Variants in TMEM164 observed in about 807,000 individuals in gnomAD.
TMEM164 encodes transmembrane protein 164.
A neutral mutation model predicts 18.8 loss-of-function variants in TMEM164; 4 were observed. The ratio of observed to expected loss-of-function variants is 0.21; its 90% CI spans 0.10 to 0.49. TMEM164 has a LOEUF of 0.49. Ranked by LOEUF, TMEM164 falls within the 20% of genes least tolerant of loss-of-function variation. The pLI is 0.98. For synonymous variants in TMEM164, 86 were observed against 101.7 expected (o/e 0.85, Z 0.93); for missense variants, 108 against 239.9 (o/e 0.45, Z 3.63).
intron 2 of TMEM164, among the ~76,000 whole-genome samples, chrX:110,049,768 G>T (rs1935470320): frequency 8.9e-6 from 1 of 111,906 alleles, no homozygotes; most frequent in South Asian, 3.8e-4. Flanking sequence ...GCTTTTCCAT[G>T]TGTAAGCTTG....
intron 4 of TMEM164, among the ~76,000 whole-genome samples, chrX:110,109,468 A>T (rs1391887445): frequency 8.9e-6 from 1 of 112,251 alleles, no homozygotes; most frequent in Non-Finnish European, 1.9e-5. Context: ...CAGTGAGTCA[A>T]CATTGTGCCA....
At chrX:110,158,934 A>G (rs1157368222) in intron 5 of TMEM164, among the ~76,000 whole-genome samples, 1 of 112,302 alleles carries the variant, frequency 8.9e-6, no homozygotes, top group Non-Finnish European at 1.9e-5. Flanking sequence ...AAATAATAAC[A>G]GTACTTCCTC....
At chrX:110,132,026 G>C (rs1431704173) in intron 4 of TMEM164, among the ~76,000 whole-genome samples, 1 of 111,573 alleles carries the variant, frequency 9.0e-6, no homozygotes, top group East Asian at 2.8e-4. Flanking sequence ...TCAGGGAGCA[G>C]CCTGAAGTAT....
chrX:110,070,713 C>T (rs1215841899), intron 3 of TMEM164, among the ~76,000 whole-genome samples: 1 of 109,422 alleles, frequency 9.1e-6, no homozygotes, highest in Non-Finnish European at 1.9e-5. Flanking sequence ...GATGAAACCT[C>T]GTCTCTAACC....
At chrX:110,099,907 TTTAAA>T (rs757565284) in intron 3 of TMEM164, among the ~76,000 whole-genome samples, 2 of 112,267 alleles carry the variant, frequency 1.8e-5, no homozygotes, top group Non-Finnish European at 3.8e-5. Flanking sequence ...ATATGGATCC[TTTAAA>T]TATTTTGTTA....
chrX:110,026,099 A>G (rs1283375669), intron 2 of TMEM164, among the ~76,000 whole-genome samples: 1 of 112,637 alleles, frequency 8.9e-6, no homozygotes, highest in Non-Finnish European at 1.9e-5. Context: ...TATTAGTTAC[A>G]GTCTTCCTCC....
At chrX:110,044,106 C>T (rs1420571575) in intron 2 of TMEM164, among the ~76,000 whole-genome samples, 2 of 112,331 alleles carry the variant, frequency 1.8e-5, no homozygotes, top group Admixed American at 9.4e-5. Context: ...TTTCTCCCCC[C>T]AGAGGCTACT....
Position 110,174,168 on chromosome X carries a change from T to C in TMEM164, c.*717T>C, listed in dbSNP as rs2067264825. Reference sequence around the variant, plus strand: ...AAATCCAAAGTGAAGAGGGTCAAGATATATACAGTACTAGGCCAGACCCTG... The same window carrying C: ...AAATCCAAAGTGAAGAGGGTCAAGACATATACAGTACTAGGCCAGACCCTG... On this transcript the variant is annotated 3_prime_UTR_variant, in exon 7 of 7. Coordinates refer to ENST00000372068, the MANE Select transcript of TMEM164 (RefSeq NM_032227.4). The C allele has an allele frequency of 8.9e-6, 1 of 112,149 alleles. No homozygotes were observed. The highest frequency in any genetic ancestry group is 1.9e-5 in the Non-Finnish European group (1 of 53,495). 9.2% of individuals were successfully genotyped at this position (112,149 alleles called of 1,213,427 possible).
chrX:110,017,037 A>G (rs1933420456), intron 2 of TMEM164, among the ~76,000 whole-genome samples: 1 of 112,107 alleles, frequency 8.9e-6, no homozygotes, highest in Non-Finnish European at 1.9e-5. Flanking sequence ...TTCTAGCTGT[A>G]CTTTCTCAGG....
intron 2 of TMEM164, among the ~76,000 whole-genome samples, chrX:110,027,170 A>T (rs1044887827): frequency 6.3e-5 from 7 of 111,040 alleles, no homozygotes; most frequent in Non-Finnish European, 1.3e-4. Context: ...CCTTACTATA[A>T]TTTTTTTGTT....
At chrX:110,020,595 C>T in intron 2 of TMEM164, 2 of 754,361 alleles carry the variant, frequency 2.7e-6, no homozygotes, top group Non-Finnish European at 3.1e-6. Flanking sequence ...GAAGGAGTTT[C>T]AGAAGGCAGG....
intron 4 of TMEM164, among the ~76,000 whole-genome samples, chrX:110,143,804 GGT>G (rs759024255): frequency 0.03 from 3,071 of 101,887 alleles, 115 homozygotes; most frequent in African/African-American, 0.094. Context: ...CATACTTTGG[GGT>G]GTGTGTGTGT....
rs189544729 is a variant in TMEM164, at chrX:110,064,065, G to A, written c.391-3282G>A. On this transcript the variant is annotated intron_variant, in intron 2 of 6. Coordinates refer to ENST00000372068, the MANE Select transcript of TMEM164 (RefSeq NM_032227.4). ...CCCTCAGTTTCCTCATCTCTGAAAT[G>A]GGGTTTAATAACATGGTTCTGCCTG... 2.7e-5 allele frequency among the ~76,000 whole-genome samples: 3 copies of A among 111,443 alleles called. No homozygotes were observed. The East Asian group carries it at 8.5e-4, about 32-fold the overall frequency.
At position 110,175,726 on chromosome X, in the gene TMEM164, G is replaced by A. The variant is rs1362917288; in HGVS notation, c.*2275G>A. 1.3e-6 allele frequency: 1 copy of A among 752,234 alleles called. No individual in the cohort carries two copies. Among genetic ancestry groups the A allele is most frequent in the Non-Finnish European group, 1.6e-6 (1 of 638,467 alleles). 62.0% of individuals were successfully genotyped at this position (752,234 alleles called of 1,213,427 possible). A position where few individuals can be genotyped will look rare whatever the true frequency, so the allele number is the denominator to read the frequency against. The stretch of plus-strand genomic sequence containing the variant: ...GGCCAGATTGGCTCAGAAACATGTA[G>A]GTCAAAAGAATAGAGGGGGCCCAGT... On this transcript the variant is annotated 3_prime_UTR_variant, in exon 7 of 7. Transcript: ENST00000372068.
At chrX:110,114,143 A>G (rs920960231) in intron 4 of TMEM164, among the ~76,000 whole-genome samples, 4 of 111,943 alleles carry the variant, frequency 3.6e-5, no homozygotes, top group African/African-American at 9.8e-5. Flanking sequence ...TTATTTTTCT[A>G]TTCCATGAAT....
intron 3 of TMEM164, among the ~76,000 whole-genome samples, chrX:110,095,040 C>G (rs926407940): frequency 4.5e-5 from 5 of 112,223 alleles, no homozygotes; most frequent in Non-Finnish European, 9.4e-5. Context: ...GTTTCTGCCG[C>G]AAGATCTGCT....
At chrX:110,153,816 T>G (rs1440521608) in intron 5 of TMEM164, among the ~76,000 whole-genome samples, 1 of 111,687 alleles carries the variant, frequency 9.0e-6, no homozygotes, top group Non-Finnish European at 1.9e-5. Context: ...AGTAGTGTAT[T>G]TTATGCGTGG....
intron 2 of TMEM164, among the ~76,000 whole-genome samples, chrX:110,030,506 G>T (rs1193218223): frequency 9.4e-6 from 1 of 106,478 alleles, no homozygotes; most frequent in Non-Finnish European, 1.9e-5. Context: ...AACGGATCAA[G>T]AGACAGTTGC....
intron 3 of TMEM164, among the ~76,000 whole-genome samples, chrX:110,068,963 A>C (rs1286980660): frequency 8.9e-6 from 1 of 111,920 alleles, no homozygotes; most frequent in East Asian, 2.8e-4. Flanking sequence ...GAAATCTATC[A>C]CAGTCTATTG....
Sources: gnomAD v4.1 joint callset for allele counts (sites outside exome capture counted in the v4.1 genomes callset) on GRCh38, gnomAD v4.1.1 for gene constraint, MANE v1.5 for transcripts, NCBI Gene and HGNC (gene_info 2026-07-23, HGNC 2026-07-21) for gene names.